ZNF250: variants seen among roughly 807,000 people sequenced by gnomAD.
ZNF250 encodes zinc finger protein (clone 647).
In ZNF250, 13 loss-of-function variants were observed where a neutral mutation model predicts 37.1. That is an observed-to-expected ratio of 0.35 (90% confidence interval 0.23 to 0.56). The LOEUF (loss-of-function observed/expected upper bound fraction) is 0.56. Among genes scored for constraint, ZNF250 ranks in the 20% least tolerant of loss-of-function variants. ZNF250 has a pLI of 0.87. For missense variants in ZNF250, 474 were observed against 697.9 expected, an observed-to-expected ratio of 0.68 and a Z score of 3.61; for synonymous variants, 251 against 265.6, an observed-to-expected ratio of 0.94 and a Z score of 0.54.
chr8:144,888,421 A>C (rs1832052728), intron 4 of ZNF250, among the ~76,000 whole-genome samples: 1 of 151,932 alleles, frequency 6.6e-6, no homozygotes, highest in Non-Finnish European at 1.5e-5. Flanking sequence ...ACATGGTGAA[A>C]TCCTGTCTCT....
chr8:144,895,581 A>G (rs2975281), intron 1 of ZNF250, among the ~76,000 whole-genome samples: 1 of 152,136 alleles, frequency 6.6e-6, no homozygotes, highest in Non-Finnish European at 1.5e-5. Context: ...AAAGGACAAT[A>G]CCAGGCTGTC....
intron 1 of ZNF250, among the ~76,000 whole-genome samples, chr8:144,900,720 C>T (rs894434458): frequency 3.3e-5 from 5 of 152,274 alleles, no homozygotes; most frequent in African/African-American, 1.2e-4. Context: ...GTAGCACACT[C>T]GACCAACTGC....
intron 1 of ZNF250, among the ~76,000 whole-genome samples, chr8:144,892,285 A>C (rs1374853880): frequency 6.6e-6 from 1 of 152,232 alleles, no homozygotes. Flanking sequence ...TTGAGAATTC[A>C]TAAGAAGAAT....
At chr8:144,900,779 AGCT>A (rs1833046410) in intron 1 of ZNF250, among the ~76,000 whole-genome samples, 1 of 152,190 alleles carries the variant, frequency 6.6e-6, no homozygotes, top group Non-Finnish European at 1.5e-5. Context: ...GACTTTTTAT[AGCT>A]AAGTAAAGTG....
chr8:144,892,090 C>T (rs1237443548), intron 1 of ZNF250, among the ~76,000 whole-genome samples: 1 of 152,192 alleles, frequency 6.6e-6, no homozygotes, highest in African/African-American at 2.4e-5. Flanking sequence ...TAACTGCCTG[C>T]CTCTGAAGAA....
intron 3 of ZNF250, 73 bp downstream of exon 3, chr8:144,889,859 GC>G: frequency 6.6e-7 from 1 of 1,524,974 alleles, no homozygotes. Context: ...CCTGTCCCAG[GC>G]CCCGTACCCT....
intron 1 of ZNF250, among the ~76,000 whole-genome samples, chr8:144,895,586 G>C (rs556631992): frequency 6.6e-6 from 1 of 152,252 alleles, no homozygotes; most frequent in South Asian, 2.1e-4. Flanking sequence ...ACAATACCAG[G>C]CTGTCAACAA....
chr8:144,881,557 A>G lies in ZNF250; in HGVS notation c.1626T>C (p.His542=), dbSNP rs1258564811. 6.2e-7 allele frequency: 1 copy of G among 1,606,420 alleles called. No homozygotes were observed. Among genetic ancestry groups the G allele is most frequent in the Non-Finnish European group, 8.5e-7 (1 of 1,174,182 alleles). The change falls in exon 6 of 6, where the codon CAT becomes CAC. Residue 542 remains histidine, a synonymous_variant. Transcript: ENST00000417550. ...CGECGRAFNQ[H]GHLIQHQKVH... ...CTTTCTGGTGCTGGATTAGGTGGCC[A>G]TGCTGGTTGAAGGCACGCCCACACT...
At position 144,889,629 on chromosome 8, in the gene ZNF250, C is replaced by G; in HGVS notation, c.235G>C (p.Asp79His). 1.2e-6 allele frequency: 2 copies of G among 1,614,028 alleles called. No homozygotes were observed. Among genetic ancestry groups the G allele is most frequent in the Non-Finnish European group, 1.7e-6 (2 of 1,179,890 alleles). The change falls in exon 4 of 6, where the codon GAC becomes CAC. Residue 79 changes from aspartate to histidine, a missense_variant. Physicochemically the swap from Asp to His is moderately conservative, Grantham distance 81. Coordinates refer to ENST00000417550, the MANE Select transcript of ZNF250 (RefSeq NM_001109689.4). Reference sequence around the variant, plus strand: ...TGGCTCTTCTTAGCCCCCTTCCTGTCCAGGACCCAGGGATCTTCCCCTCGC... The same window carrying G: ...TGGCTCTTCTTAGCCCCCTTCCTGTGCAGGACCCAGGGATCTTCCCCTCGC... ...LERGEDPWVL[D>H]RKGAKKSQGL... is the part of the protein sequence containing the mutation.
chr8:144,896,614 C>T (rs949673758), intron 1 of ZNF250, among the ~76,000 whole-genome samples: 11 of 152,128 alleles, frequency 7.2e-5, no homozygotes, highest in South Asian at 2.1e-4. Flanking sequence ...CCACACTTCA[C>T]GGGATTCTGA....
chr8:144,883,231 G>A (rs1209570602), intron 5 of ZNF250, among the ~76,000 whole-genome samples: 2 of 152,220 alleles, frequency 1.3e-5, no homozygotes, highest in Non-Finnish European at 2.9e-5. Context: ...TGGGCAGGCA[G>A]GGAGAGGTGT....
At position 144,890,299 on chromosome 8, in the gene ZNF250, A is replaced by AC. The variant is rs138965529; in HGVS notation, c.42+8dup. 17,894 of 1,529,198 alleles carry AC rather than the reference A, an allele frequency of 0.012. 2,037 individuals are homozygous for AC. In the East Asian group the frequency reaches 0.28, roughly 24 times the overall value. 94.7% of individuals were successfully genotyped at this position (1,529,198 alleles called of 1,614,324 possible). On this transcript the variant is annotated intron_variant, in intron 2 of 5. Coordinates refer to ENST00000417550, the MANE Select transcript of ZNF250 (RefSeq NM_001109689.4). The surrounding 1 kb of genome is among the most constrained non-coding windows in gnomAD (Gnocchi z 5.1). ...TGGGGGCACTGCATAAGCACTGGGG[A>AC]CAGCTTACCTGGGGTCCTGCCGGCA...
At chr8:144,892,069 A>G (rs1832379265) in intron 1 of ZNF250, among the ~76,000 whole-genome samples, 1 of 152,222 alleles carries the variant, frequency 6.6e-6, no homozygotes, top group African/African-American at 2.4e-5. Flanking sequence ...TCAGGAAGAT[A>G]CACAATAAAC....
rs766852123 is a variant in ZNF250 at position 144,886,807 on chromosome 8, G to T, written c.346+33C>A. 2.5e-6 allele frequency: 4 copies of T among 1,591,564 alleles called. No homozygotes were observed. The East Asian group carries it at 8.9e-5, about 36-fold the overall frequency. On this transcript the variant is annotated intron_variant, in intron 5 of 5. Coordinates refer to ENST00000417550, the MANE Select transcript of ZNF250 (RefSeq NM_001109689.4). ...ATTAGTGTTAACACCTTCAGAGATTGTACTGAATTAAAAAGATCAGGCATA... is the reference window on the plus strand; with the variant it reads ...ATTAGTGTTAACACCTTCAGAGATTTTACTGAATTAAAAAGATCAGGCATA...
rs564108736 is a variant in ZNF250 at position 144,900,234 on chromosome 8, T to C, written c.-55+1165A>G. Among the ~76,000 whole-genome samples, 3 of 152,122 alleles carry C rather than the reference T, an allele frequency of 2.0e-5. No individual in the cohort carries two copies. The South Asian group carries it at 6.2e-4, about 32-fold the overall frequency. The stretch of plus-strand genomic sequence containing the variant: ...TCCAGGGCGGGAATGTCAATGGCAA[T>C]CTCCCACCCTTACCCACTTCGTAGA... On this transcript the variant is annotated intron_variant, in intron 1 of 5. Coordinates refer to ENST00000417550, the MANE Select transcript of ZNF250 (RefSeq NM_001109689.4).
At chr8:144,898,207 G>A (rs1360684761) in intron 1 of ZNF250, among the ~76,000 whole-genome samples, 3 of 152,170 alleles carry the variant, frequency 2.0e-5, no homozygotes, top group African/African-American at 7.2e-5. Flanking sequence ...TGAGGCATGA[G>A]AATTGCTTGA....
intron 4 of ZNF250, among the ~76,000 whole-genome samples, chr8:144,889,367 T>C (rs985586418): frequency 2.6e-5 from 4 of 152,192 alleles, no homozygotes; most frequent in Non-Finnish European, 5.9e-5. Context: ...CACATCAGCT[T>C]GTTGAAATTC....
At position 144,897,854 on chromosome 8, in the gene ZNF250, A is replaced by G. The variant is rs1832822653; in HGVS notation, c.-55+3545T>C. Reference sequence around the variant, plus strand: ...TAACTGTAGCAGGAGCATGTCCTTAAGGCACAGATCGCTCATGCTATTGTT... The same window carrying G: ...TAACTGTAGCAGGAGCATGTCCTTAGGGCACAGATCGCTCATGCTATTGTT... On this transcript the variant is annotated intron_variant, in intron 1 of 5. Transcript: ENST00000417550. This position sits in a 1 kb window ranked among gnomAD's most constrained non-coding sequence, Gnocchi z 5.2. Among the ~76,000 whole-genome samples, 4 of 152,370 alleles carry G rather than the reference A, an allele frequency of 2.6e-5. No individual in the cohort carries two copies. The South Asian group carries it at 6.2e-4, about 24-fold the overall frequency.
In ZNF250 at chr8:144,890,170, T is replaced by C; in HGVS notation, c.43-111A>G. The C allele has an allele frequency of 6.5e-7, 1 of 1,532,512 alleles. No individual in the cohort carries two copies. The highest frequency in any genetic ancestry group is 8.9e-7 in the Non-Finnish European group (1 of 1,127,446). The allele number at this position is 1,532,512 out of a possible 1,614,324, so 94.9% of individuals were successfully genotyped here. On this transcript the variant is annotated intron_variant, in intron 2 of 5. Coordinates refer to ENST00000417550, the MANE Select transcript of ZNF250 (RefSeq NM_001109689.4). This position sits in a 1 kb window ranked among gnomAD's most constrained non-coding sequence, Gnocchi z 5.1. Reference sequence around the variant, plus strand: ...GTTGGCAGTGGGGGGCTCTGTGAGCTGAGGTGGGTGATGGGAAGGGGCCGC... The same window carrying C: ...GTTGGCAGTGGGGGGCTCTGTGAGCCGAGGTGGGTGATGGGAAGGGGCCGC...
Sources: allele counts gnomAD v4.1 joint callset (sites outside exome capture counted in the v4.1 genomes callset), GRCh38; gene constraint gnomAD v4.1.1; non-coding constraint Gnocchi (gnomAD v3.1); transcripts MANE v1.5; gene names NCBI Gene and HGNC (gene_info 2026-07-23, HGNC 2026-07-21).